JMJD1C: variants seen among roughly 807,000 people sequenced by gnomAD.
The protein encoded by JMJD1C is jumonji domain-containing protein 1C.
A neutral mutation model predicts 245.3 loss-of-function variants in JMJD1C; 31 were observed. That is an observed-to-expected ratio of 0.13 (90% CI 0.09 to 0.17). The LOEUF (loss-of-function observed/expected upper bound fraction) is 0.17. Among genes scored for constraint, JMJD1C ranks in the 10% least tolerant of loss-of-function variants. The probability of loss-of-function intolerance (pLI) is 1.00; values close to 1 mark genes in which losing one functional copy is unlikely to be tolerated. For synonymous variants in JMJD1C, 1,057 were observed against 1,017.4 expected (o/e 1.04, Z -0.74); for missense variants, 2,691 against 3,000.2 (o/e 0.90, Z 2.41).
chr10:63,175,797 T>C lies in JMJD1C; in HGVS notation c.7401+500A>G, dbSNP rs1294780229. Among the ~76,000 whole-genome samples the C allele has an allele frequency of 2.0e-5, 3 of 152,192 alleles. No individual in the cohort carries two copies. The East Asian group carries it at 5.8e-4, about 29-fold the overall frequency. On this transcript the variant is annotated intron_variant, in intron 24 of 25. Coordinates refer to ENST00000399262, the MANE Select transcript of JMJD1C (RefSeq NM_032776.3). The stretch of plus-strand genomic sequence containing the variant: ...TAACCACTGCATCTATTCTATGCCA[T>C]TTTTCCCGGTGCTGGAAAAATTAGG...
At chr10:63,339,093 A>G (rs747110316) in intron 2 of JMJD1C, among the ~76,000 whole-genome samples, 1 of 152,190 alleles carries the variant, frequency 6.6e-6, no homozygotes, top group African/African-American at 2.4e-5. Context: ...TTCTATTACC[A>G]TTCTACAAGC....
intron 1 of JMJD1C, among the ~76,000 whole-genome samples, chr10:63,438,530 TC>T (rs1951187965): frequency 6.6e-6 from 1 of 152,108 alleles, no homozygotes; most frequent in South Asian, 2.1e-4. Context: ...GTTCATGCCT[TC>T]CCATCTCATC....
chr10:63,177,538 A>G, intron 23 of JMJD1C, 179 bp downstream of exon 23: 2 of 628,208 alleles, frequency 3.2e-6, no homozygotes, highest in Non-Finnish European at 5.4e-6. Flanking sequence ...CAAAATGTTA[A>G]CAGACTTTCA....
intron 1 of JMJD1C, chr10:63,465,126 G>T: frequency 3.6e-6 from 1 of 280,712 alleles, no homozygotes; most frequent in Non-Finnish European, 6.7e-6. Context: ...GTCGCCATGA[G>T]TGGTCCGCCC....
chr10:63,417,956 C>A (rs748286838), intron 1 of JMJD1C, among the ~76,000 whole-genome samples: 1 of 152,218 alleles, frequency 6.6e-6, no homozygotes, highest in Non-Finnish European at 1.5e-5. Context: ...AACCTAATGA[C>A]TTTATAGAGG....
chr10:63,404,693 G>A (rs141388516), intron 1 of JMJD1C, among the ~76,000 whole-genome samples: 1 of 152,242 alleles, frequency 6.6e-6, no homozygotes, highest in African/African-American at 2.4e-5. Flanking sequence ...AACAAGAAAG[G>A]TTACTGAGTA....
intron 1 of JMJD1C, among the ~76,000 whole-genome samples, chr10:63,387,798 G>A (rs1464819888): frequency 1.3e-5 from 2 of 151,372 alleles, no homozygotes; most frequent in African/African-American, 4.9e-5. Context: ...ACCATGCCCG[G>A]CTAATTTTTT....
intron 2 of JMJD1C, among the ~76,000 whole-genome samples, chr10:63,349,468 T>C (rs1944155180): frequency 6.6e-6 from 1 of 152,152 alleles, no homozygotes; most frequent in Admixed American, 6.6e-5. Flanking sequence ...AAGTAAAAAA[T>C]ATAAATAAGA....
intron 1 of JMJD1C, among the ~76,000 whole-genome samples, chr10:63,463,251 A>C (rs1952924203): frequency 1.3e-5 from 2 of 152,032 alleles, no homozygotes; most frequent in South Asian, 4.1e-4. Flanking sequence ...TGCAGTCTCA[A>C]CCTCACTGAG....
chr10:63,205,300 G>C (rs1327584589), intron 10 of JMJD1C, among the ~76,000 whole-genome samples: 1 of 152,090 alleles, frequency 6.6e-6, no homozygotes, highest in African/African-American at 2.4e-5. Context: ...ATTTCCATAA[G>C]CTTCCAATTT....
At chr10:63,241,324 G>A (rs1011575993) in intron 3 of JMJD1C, among the ~76,000 whole-genome samples, 1 of 152,144 alleles carries the variant, frequency 6.6e-6, no homozygotes, top group African/African-American at 2.4e-5. Context: ...ATCATACATA[G>A]GGGAATATCT....
At chr10:63,380,211 T>C in intron 2 of JMJD1C, 107 bp downstream of exon 2, 2 of 1,092,970 alleles carry the variant, frequency 1.8e-6, no homozygotes, top group Non-Finnish European at 2.8e-6. Flanking sequence ...CTCAAAGTGC[T>C]AGTTTTACAG....
intron 10 of JMJD1C, chr10:63,204,709 CCTCT>C (rs1372206507): frequency 2.0e-6 from 2 of 985,234 alleles, no homozygotes; most frequent in Non-Finnish European, 2.4e-6. Context: ...TGTTAATCCC[CCTCT>C]CTGTCTTCTG....
At position 63,214,533 on chromosome 10, in the gene JMJD1C, T is replaced by C. The variant is rs777955645; in HGVS notation, c.1634A>G (p.Lys545Arg). The change falls in exon 8 of 26, where the codon AAA becomes AGA. Residue 545 changes from lysine (K) to arginine (R), a missense_variant. By Grantham distance (26) the Lys-to-Arg change is conservative. Transcript: ENST00000399262. Reference protein sequence around the residue: ...QKMDPNVSDSKHSIANAKFLE... With the variant: ...QKMDPNVSDSRHSIANAKFLE... The stretch of plus-strand genomic sequence containing the variant: ...GAATTTTGCATTTGCAATAGAGTGT[T>C]TTGAATCACTAACATTAGGATCCAT... 2.7e-5 allele frequency: 44 copies of C among 1,613,884 alleles called. No individual in the cohort carries two copies. The highest frequency in any genetic ancestry group is 3.5e-5 in the Non-Finnish European group (41 of 1,180,004).
chr10:63,412,297 A>T lies in JMJD1C; in HGVS notation c.169-31815T>A, dbSNP rs562737665. Among the ~76,000 whole-genome samples, 16 of 152,350 alleles carry T rather than the reference A, an allele frequency of 1.1e-4. No homozygotes were observed. The East Asian group carries it at 3.1e-3, about 29-fold the overall frequency. ...GTATTCTTACAGTAAAGTAAGCTAG[A>T]GAAGTTATTATGAGCAAGAGAAAAT... On this transcript the variant is annotated intron_variant, in intron 1 of 25. Coordinates refer to ENST00000399262, the MANE Select transcript of JMJD1C (RefSeq NM_032776.3).
At chr10:63,340,273 A>G (rs775474407) in intron 2 of JMJD1C, among the ~76,000 whole-genome samples, 38 of 152,172 alleles carry the variant, frequency 2.5e-4, no homozygotes, top group Non-Finnish European at 3.4e-4. Flanking sequence ...TAGCTGCAAT[A>G]TATCTTTTCT....
intron 2 of JMJD1C, among the ~76,000 whole-genome samples, chr10:63,325,311 G>T (rs1343623609): frequency 6.6e-6 from 1 of 152,138 alleles, no homozygotes; most frequent in Non-Finnish European, 1.5e-5. Flanking sequence ...TACTAGAATA[G>T]GGTTTCTTCT....
Position 63,353,928 on chromosome 10 carries a change from C to T in JMJD1C, c.333+26390G>A, listed in dbSNP as rs1345322629. On this transcript the variant is annotated intron_variant, in intron 2 of 25. Transcript: ENST00000399262. ...CCATCTCAGCTCACTGCAACCTCCG[C>T]CTCCCAGGTTCAAGCAATTCTTCTG... 2.6e-5 allele frequency among the ~76,000 whole-genome samples: 4 copies of T among 152,082 alleles called. No individual in the cohort carries two copies. In the East Asian group the frequency reaches 7.7e-4, roughly 29 times the overall value.
At chr10:63,234,359 T>C (rs879342576) in intron 3 of JMJD1C, among the ~76,000 whole-genome samples, 4 of 151,714 alleles carry the variant, frequency 2.6e-5, no homozygotes, top group Non-Finnish European at 4.4e-5. Flanking sequence ...GCAGGTGTTA[T>C]GGTGCATGCC....
Sources: allele counts gnomAD v4.1 joint callset (sites outside exome capture counted in the v4.1 genomes callset), GRCh38; gene constraint gnomAD v4.1.1; transcripts MANE v1.5; gene names NCBI Gene and HGNC (gene_info 2026-07-23, HGNC 2026-07-21).